The following NRXN1 variants were observed in gnomAD, a reference collection of about 807,000 sequenced individuals.
NRXN1 encodes the protein neurexin 1.
A neutral mutation model predicts 150.9 loss-of-function variants in NRXN1; 39 were observed. The observed-to-expected ratio is 0.26, with a 90% confidence interval of 0.20 to 0.34. NRXN1 has a LOEUF of 0.34. Among genes scored for constraint, NRXN1 ranks in the 10% least tolerant of loss-of-function variants. The pLI is 1.00. For missense variants in NRXN1, 1,815 were observed against 1,949.9 expected (o/e 0.93, Z 1.30); for synonymous variants, 924 against 757.0 (o/e 1.22, Z -3.62).
At chr2:50,269,198 GA>G (rs201134969) in intron 17 of NRXN1, among the ~76,000 whole-genome samples, 1,529 of 152,244 alleles carry the variant, frequency 0.01, 25 homozygotes, top group African/African-American at 0.035. Context: ...TTATTTCAAT[GA>G]ATAAAGAAGT....
intron 5 of NRXN1, among the ~76,000 whole-genome samples, chr2:50,708,822 C>A (rs1694770750): frequency 6.6e-6 from 1 of 152,078 alleles, no homozygotes; most frequent in Non-Finnish European, 1.5e-5. Flanking sequence ...GGAGCCAGAG[C>A]AGGGATCCAG....
intron 5 of NRXN1, among the ~76,000 whole-genome samples, chr2:50,845,318 C>T (rs1401110280): frequency 6.6e-6 from 1 of 152,160 alleles, no homozygotes; most frequent in Non-Finnish European, 1.5e-5. Context: ...TTATTGAGTA[C>T]TTACTATAAT....
At chr2:50,740,513 C>T (rs560421224) in intron 5 of NRXN1, among the ~76,000 whole-genome samples, 3 of 152,208 alleles carry the variant, frequency 2.0e-5, no homozygotes, top group African/African-American at 7.2e-5. Context: ...ACTACCTGAG[C>T]TTTGGATTTT....
At chr2:50,992,886 A>C (rs1166795356) in intron 2 of NRXN1, among the ~76,000 whole-genome samples, 1 of 151,982 alleles carries the variant, frequency 6.6e-6, no homozygotes, top group African/African-American at 2.4e-5. Context: ...ATGCAACTAC[A>C]TATCTTTGGA....
intron 2 of NRXN1, among the ~76,000 whole-genome samples, chr2:50,940,185 T>G (rs1415317976): frequency 6.6e-6 from 1 of 152,008 alleles, no homozygotes; most frequent in Non-Finnish European, 1.5e-5. Flanking sequence ...ATTTAAAAGA[T>G]AAGAAAACCA....
chr2:50,992,680 G>A (rs914542695), intron 2 of NRXN1, among the ~76,000 whole-genome samples: 2 of 151,898 alleles, frequency 1.3e-5, no homozygotes, highest in Non-Finnish European at 1.5e-5. Flanking sequence ...TTGCCTCTCC[G>A]ATTCCTTTTG....
intron 2 of NRXN1, among the ~76,000 whole-genome samples, chr2:50,960,729 C>T (rs1693039394): frequency 6.6e-6 from 1 of 151,806 alleles, no homozygotes; most frequent in South Asian, 2.1e-4. Flanking sequence ...GCCTCTGGGC[C>T]TATATCAGGG....
chr2:50,897,299 T>A (rs1406709447), intron 5 of NRXN1, among the ~76,000 whole-genome samples: 2 of 152,324 alleles, frequency 1.3e-5, no homozygotes, highest in East Asian at 3.9e-4. Context: ...GAGAAACCGC[T>A]CAATAAATTG....
At chr2:50,427,359 C>G (rs2084577999) in intron 17 of NRXN1, among the ~76,000 whole-genome samples, 1 of 139,314 alleles carries the variant, frequency 7.2e-6, no homozygotes, top group Non-Finnish European at 1.5e-5. Context: ...AACATATATT[C>G]TGCCAAAAAA....
intron 2 of NRXN1, among the ~76,000 whole-genome samples, chr2:50,978,271 C>CATACATATATATAT: frequency 1.1e-5 from 1 of 95,036 alleles, no homozygotes; most frequent in African/African-American, 3.6e-5. Flanking sequence ...GGATATTATA[C>CATACATATATATAT]ATATATATAT....
At chr2:49,945,745 C>T (rs1391270663) in intron 21 of NRXN1, among the ~76,000 whole-genome samples, 3 of 152,062 alleles carry the variant, frequency 2.0e-5, no homozygotes, top group Non-Finnish European at 4.4e-5. Context: ...GCATAGTATT[C>T]CATGGTGTAT....
chr2:50,903,645 A>G (rs1439453419), intron 5 of NRXN1, among the ~76,000 whole-genome samples: 1 of 152,174 alleles, frequency 6.6e-6, no homozygotes, highest in Non-Finnish European at 1.5e-5. Flanking sequence ...GCTTACTTGT[A>G]TCTTCTCCTA....
intron 5 of NRXN1, among the ~76,000 whole-genome samples, chr2:50,747,711 A>C (rs1440797836): frequency 1.3e-5 from 2 of 152,248 alleles, no homozygotes; most frequent in East Asian, 3.9e-4. Context: ...GATTTTCTAC[A>C]TGAGTAATAT....
chr2:50,730,766 G>A (rs1396378501), intron 5 of NRXN1, among the ~76,000 whole-genome samples: 4 of 141,992 alleles, frequency 2.8e-5, no homozygotes, highest in Admixed American at 7.7e-5. Flanking sequence ...TCCGCCTCCC[G>A]GGTTCACGCC....
intron 5 of NRXN1, among the ~76,000 whole-genome samples, chr2:50,742,879 G>C (rs911698302): frequency 6.6e-6 from 1 of 152,094 alleles, no homozygotes; most frequent in African/African-American, 2.4e-5. Context: ...CACATTAAAG[G>C]TGAGGAAAAT....
chr2:50,049,451 C>T (rs1363922873), intron 21 of NRXN1, among the ~76,000 whole-genome samples: 4 of 152,194 alleles, frequency 2.6e-5, no homozygotes, highest in South Asian at 2.1e-4. Flanking sequence ...AGTCACATGA[C>T]GAGATAGGTG....
At position 50,611,566 on chromosome 2, in the gene NRXN1, T is replaced by C. The variant is rs550116775; in HGVS notation, c.1320+8456A>G. Among the ~76,000 whole-genome samples, 6 of 152,230 alleles carry C rather than the reference T, an allele frequency of 3.9e-5. No homozygotes were observed. The South Asian group carries it at 1.2e-3, about 32-fold the overall frequency. On this transcript the variant is annotated intron_variant, in intron 8 of 22. Coordinates refer to ENST00000401669, the MANE Select transcript of NRXN1 (RefSeq NM_001330078.2). Reference sequence around the variant, plus strand: ...GCAAGGTGCCTGGTTTCTGCCCCAATTGTTTATTTCCCTTGCCTCCAAGGC... The same window carrying C: ...GCAAGGTGCCTGGTTTCTGCCCCAACTGTTTATTTCCCTTGCCTCCAAGGC...
intron 8 of NRXN1, among the ~76,000 whole-genome samples, chr2:50,565,648 A>T (rs1420596777): frequency 2.6e-5 from 4 of 151,480 alleles, no homozygotes; most frequent in East Asian, 3.9e-4. Flanking sequence ...AATGGAAAAT[A>T]TTTTTTTTTA....
chr2:50,167,405 C>A (rs944445599), intron 18 of NRXN1, among the ~76,000 whole-genome samples: 3 of 152,078 alleles, frequency 2.0e-5, no homozygotes, highest in African/African-American at 4.8e-5. Flanking sequence ...CCTGCCTCCC[C>A]CCCGCCTGTT....
Sources: gnomAD v4.1 joint callset for allele counts (sites outside exome capture counted in the v4.1 genomes callset) on GRCh38, gnomAD v4.1.1 for gene constraint, MANE v1.5 for transcripts, NCBI Gene and HGNC (gene_info 2026-07-23, HGNC 2026-07-21) for gene names.